The following HDAC9 variants were observed in gnomAD, a reference collection of about 807,000 sequenced individuals.
HDAC9 encodes MEF-2 interacting transcription repressor (MITR) protein.
Under a neutral mutation model 139.4 loss-of-function variants are expected in HDAC9, and 41 were observed. That is an observed-to-expected ratio of 0.29 (90% CI 0.23 to 0.38). The LOEUF (loss-of-function observed/expected upper bound fraction) is 0.38, where lower values mean the gene tolerates loss of function less well. Ranked by LOEUF, HDAC9 falls within the 10% of genes least tolerant of loss-of-function variation. The pLI, the probability that HDAC9 is intolerant of heterozygous loss-of-function variation, is 1.00. For missense variants in HDAC9, 1,147 were observed against 1,297.0 expected (o/e 0.88, Z 1.78); for synonymous variants, 517 against 476.2 (o/e 1.09, Z -1.12).
At chr7:18,645,485 A>G (rs1432592045) in intron 9 of HDAC9, among the ~76,000 whole-genome samples, 3 of 152,076 alleles carry the variant, frequency 2.0e-5, no homozygotes, top group African/African-American at 7.2e-5. Context: ...CTTGTTCTGG[A>G]CTCTTTGCCT....
intron 1 of HDAC9, among the ~76,000 whole-genome samples, chr7:18,417,143 CT>C (rs1240900327): frequency 6.6e-6 from 1 of 152,140 alleles, no homozygotes; most frequent in Admixed American, 6.6e-5. Context: ...TCTGTGCTTT[CT>C]TTTGGGTAAT....
At chr7:18,769,018 G>A (rs1323401133) in intron 16 of HDAC9, among the ~76,000 whole-genome samples, 1 of 152,160 alleles carries the variant, frequency 6.6e-6, no homozygotes, top group Non-Finnish European at 1.5e-5. Context: ...AAGCCATGAT[G>A]TTTGGTAAGT....
intron 1 of HDAC9, among the ~76,000 whole-genome samples, chr7:18,337,389 A>G (rs1277909389): frequency 6.6e-6 from 1 of 151,716 alleles, no homozygotes; most frequent in Non-Finnish European, 1.5e-5. Context: ...AATCAACTAC[A>G]TGGTTTCATG....
chr7:18,335,545 T>C (rs17139056), intron 1 of HDAC9, among the ~76,000 whole-genome samples: 30,774 of 151,454 alleles, frequency 0.2, 3,196 homozygotes, highest in Middle Eastern at 0.22. Context: ...AAGAGTCTAT[T>C]GGAGCCTGGG....
chr7:18,179,200 T>C (rs1483571294), intron 2 of HDAC9, among the ~76,000 whole-genome samples: 1 of 152,216 alleles, frequency 6.6e-6, no homozygotes, highest in Non-Finnish European at 1.5e-5. Flanking sequence ...GGGTAGGCTT[T>C]TGTTTGTCAC....
rs1175340771 is a variant in HDAC9 at position 18,624,363 on chromosome 7, T to C, written c.665-4987T>C. On this transcript the variant is annotated intron_variant, in intron 6 of 25. Coordinates refer to ENST00000686413, the MANE Select transcript of HDAC9 (RefSeq NM_178425.4). ...TGAGAAGAGAAAAAGGTATTGGGTC[T>C]GTTCTGTTTTACTATTGATTGTTTT... 3.9e-5 allele frequency among the ~76,000 whole-genome samples: 6 copies of C among 152,208 alleles called. No individual in the cohort carries two copies. In the East Asian group the frequency reaches 1.2e-3, roughly 29 times the overall value.
chr7:18,361,024 A>G (rs184159697), intron 1 of HDAC9, among the ~76,000 whole-genome samples: 1 of 152,310 alleles, frequency 6.6e-6, no homozygotes, highest in Non-Finnish European at 1.5e-5. Context: ...TTCTTCCAAA[A>G]GAGCCTAGTT....
chr7:18,382,717 G>C (rs779080720), intron 1 of HDAC9, among the ~76,000 whole-genome samples: 1 of 152,172 alleles, frequency 6.6e-6, no homozygotes, highest in Non-Finnish European at 1.5e-5. Flanking sequence ...TGACATGAAG[G>C]AATAGTAAGC....
At chr7:18,614,077 A>C (rs1837926919) in intron 6 of HDAC9, among the ~76,000 whole-genome samples, 1 of 152,060 alleles carries the variant, frequency 6.6e-6, no homozygotes, top group African/African-American at 2.4e-5. Context: ...CATTCTAACC[A>C]GTAGTCGTTT....
chr7:18,910,398 T>C (rs1168615260), intron 22 of HDAC9, among the ~76,000 whole-genome samples: 5 of 152,008 alleles, frequency 3.3e-5, no homozygotes, highest in Admixed American at 2.6e-4. Flanking sequence ...TGTAGGTTGA[T>C]TTTGTATCTT....
intron 2 of HDAC9, among the ~76,000 whole-genome samples, chr7:18,246,637 T>C (rs947970799): frequency 2.6e-5 from 4 of 152,022 alleles, no homozygotes; most frequent in African/African-American, 9.7e-5. Flanking sequence ...AAGGGGAGTT[T>C]CGTAGGGGAG....
chr7:18,738,387 G>T (rs1172589845), intron 13 of HDAC9, among the ~76,000 whole-genome samples: 1 of 152,220 alleles, frequency 6.6e-6, no homozygotes, highest in Non-Finnish European at 1.5e-5. Context: ...TGTTTTTGCA[G>T]TGGCTGGTAC....
Position 18,741,502 on chromosome 7 carries a change from C to T in HDAC9, c.1910-7503C>T, listed in dbSNP as rs112269403. Among the ~76,000 whole-genome samples, 825 of 152,168 alleles carry T rather than the reference C, an allele frequency of 5.4e-3. 8 individuals carry two copies. The highest frequency in any genetic ancestry group is 6.8e-3 in the Non-Finnish European group (464 of 67,992). ...TACTGCTCAGGGGGGAAAAAAAGTT[C>T]CCTTTCAAAATATGACTGCCTAATT... On this transcript the variant is annotated intron_variant, in intron 13 of 25. Transcript: ENST00000686413.
At chr7:18,211,608 CTG>C (rs1189064432) in intron 2 of HDAC9, among the ~76,000 whole-genome samples, 1 of 152,276 alleles carries the variant, frequency 6.6e-6, no homozygotes, top group African/African-American at 2.4e-5. Flanking sequence ...AAGAAGAAAA[CTG>C]TAATCTGGAG....
At chr7:18,370,931 A>G (rs909045205) in intron 1 of HDAC9, among the ~76,000 whole-genome samples, 4 of 152,174 alleles carry the variant, frequency 2.6e-5, no homozygotes, top group African/African-American at 9.7e-5. Context: ...TGAAACTGTC[A>G]TCACATAAAC....
chr7:18,413,989 T>A (rs1227722070), intron 1 of HDAC9, among the ~76,000 whole-genome samples: 1 of 152,102 alleles, frequency 6.6e-6, no homozygotes, highest in African/African-American at 2.4e-5. Flanking sequence ...CCCTTCAGAC[T>A]CAGACCACAC....
At chr7:18,933,489 C>T (rs1407359404) in intron 22 of HDAC9, among the ~76,000 whole-genome samples, 1 of 152,032 alleles carries the variant, frequency 6.6e-6, no homozygotes, top group Admixed American at 6.6e-5. Flanking sequence ...GGCTGCCTCT[C>T]AAAAACATCA....
chr7:18,258,619 G>A (rs1795437117), intron 2 of HDAC9, among the ~76,000 whole-genome samples: 1 of 152,194 alleles, frequency 6.6e-6, no homozygotes, highest in Non-Finnish European at 1.5e-5. Context: ...TTATACAGAA[G>A]AAGAAACTAG....
intron 1 of HDAC9, among the ~76,000 whole-genome samples, chr7:18,331,573 C>T (rs1206132359): frequency 6.6e-6 from 1 of 151,348 alleles, no homozygotes; most frequent in Non-Finnish European, 1.5e-5. Context: ...TTTCATCAAC[C>T]TCAAGTTACT....
Sources: gnomAD v4.1 joint callset for allele counts (sites outside exome capture counted in the v4.1 genomes callset) on GRCh38, gnomAD v4.1.1 for gene constraint, MANE v1.5 for transcripts, NCBI Gene and HGNC (gene_info 2026-07-23, HGNC 2026-07-21) for gene names.